NALF1: variants seen among roughly 807,000 people sequenced by gnomAD.
NALF1 encodes the protein NALCN channel auxiliary factor 1, also known as family with sequence similarity 155 member A.
Under a neutral mutation model 48.4 loss-of-function variants are expected in NALF1, and 3 were observed. The observed-to-expected ratio is 0.06, with a 90% CI of 0.03 to 0.16. The LOEUF (loss-of-function observed/expected upper bound fraction) is 0.16, where lower values mean the gene tolerates loss of function less well. NALF1 is among the 10% of genes least tolerant of loss of function. The pLI is 1.00. For missense variants in NALF1, 526 were observed against 571.5 expected, an observed-to-expected ratio of 0.92 and a Z score of 0.81; for synonymous variants, 262 against 245.7, an observed-to-expected ratio of 1.07 and a Z score of -0.62.
intron 1 of NALF1, among the ~76,000 whole-genome samples, chr13:107,449,013 G>A (rs1884697739): frequency 6.6e-6 from 1 of 152,292 alleles, no homozygotes; most frequent in South Asian, 2.1e-4. Context: ...GGAGGCCGAG[G>A]CGGGCGGATC....
At chr13:107,740,208 T>C (rs909390628) in intron 1 of NALF1, among the ~76,000 whole-genome samples, 9 of 152,182 alleles carry the variant, frequency 5.9e-5, no homozygotes, top group Admixed American at 3.9e-4. Context: ...ATCTGAGAAA[T>C]ATTTTTATTT....
intron 1 of NALF1, among the ~76,000 whole-genome samples, chr13:107,656,609 A>G (rs1232164957): frequency 6.6e-6 from 1 of 152,200 alleles, no homozygotes; most frequent in African/African-American, 2.4e-5. Context: ...GGGATTCCTT[A>G]AAGAACTAAA....
intron 1 of NALF1, among the ~76,000 whole-genome samples, chr13:107,795,098 G>A (rs1487600579): frequency 6.6e-6 from 1 of 152,122 alleles, no homozygotes; most frequent in Non-Finnish European, 1.5e-5. Flanking sequence ...TAAGTAAAAT[G>A]GGTAAAAATT....
chr13:107,357,471 C>T (rs908469652), intron 1 of NALF1, among the ~76,000 whole-genome samples: 2 of 152,140 alleles, frequency 1.3e-5, no homozygotes, highest in South Asian at 4.1e-4. Flanking sequence ...CAAGCCATAT[C>T]AATCACGTAG....
At chr13:107,528,713 G>C (rs981402230) in intron 1 of NALF1, among the ~76,000 whole-genome samples, 2 of 152,124 alleles carry the variant, frequency 1.3e-5, no homozygotes, top group African/African-American at 4.8e-5. Context: ...CAGTGGATGA[G>C]ACAGCCTCCT....
intron 1 of NALF1, among the ~76,000 whole-genome samples, chr13:107,577,347 A>C (rs536059899): frequency 2.0e-5 from 3 of 152,278 alleles, no homozygotes; most frequent in African/African-American, 7.2e-5. Flanking sequence ...GTTCCTCTAA[A>C]GTTGGTTGGA....
intron 1 of NALF1, among the ~76,000 whole-genome samples, chr13:107,407,536 T>A (rs1344954359): frequency 6.6e-6 from 1 of 152,040 alleles, no homozygotes; most frequent in Non-Finnish European, 1.5e-5. Flanking sequence ...ATCAGAGAAA[T>A]GCCAATCAAA....
intron 1 of NALF1, among the ~76,000 whole-genome samples, chr13:107,261,428 A>T: frequency 6.6e-6 from 1 of 152,066 alleles, no homozygotes; most frequent in Non-Finnish European, 1.5e-5. Flanking sequence ...CCCCTATCCC[A>T]TCAGCAATGA....
At chr13:107,545,412 G>T (rs1877110434) in intron 1 of NALF1, among the ~76,000 whole-genome samples, 1 of 152,184 alleles carries the variant, frequency 6.6e-6, no homozygotes, top group Non-Finnish European at 1.5e-5. Context: ...AAGCAGGAGA[G>T]AATACATTTC....
At chr13:107,699,502 T>C (rs186139549) in intron 1 of NALF1, among the ~76,000 whole-genome samples, 337 of 152,210 alleles carry the variant, frequency 2.2e-3, no homozygotes, top group African/African-American at 7.8e-3. Flanking sequence ...AACATTTATG[T>C]CAAGCAAGAA....
At chr13:107,197,239 A>T (rs1231875371) in intron 2 of NALF1, among the ~76,000 whole-genome samples, 2 of 152,236 alleles carry the variant, frequency 1.3e-5, no homozygotes, top group African/African-American at 4.8e-5. Flanking sequence ...TTTTCTTTAT[A>T]CATTACCTAG....
intron 1 of NALF1, among the ~76,000 whole-genome samples, chr13:107,678,695 G>A (rs1360382410): frequency 3.3e-5 from 5 of 152,220 alleles, no homozygotes; most frequent in African/African-American, 1.2e-4. Flanking sequence ...CATGGTGGAA[G>A]GTGAAGGGAA....
intron 1 of NALF1, among the ~76,000 whole-genome samples, chr13:107,608,940 C>T (rs930604320): frequency 6.6e-6 from 1 of 152,144 alleles, no homozygotes; most frequent in African/African-American, 2.4e-5. Flanking sequence ...GGCCGGGCAC[C>T]AGGGATGGTG....
intron 1 of NALF1, among the ~76,000 whole-genome samples, chr13:107,790,463 T>G (rs1594268631): frequency 6.6e-6 from 1 of 152,332 alleles, no homozygotes. Flanking sequence ...AATTTAAATC[T>G]GTTCTGTAAG....
At chr13:107,546,170 G>C (rs1043127370) in intron 1 of NALF1, among the ~76,000 whole-genome samples, 1 of 152,124 alleles carries the variant, frequency 6.6e-6, no homozygotes, top group Admixed American at 6.5e-5. Context: ...CCTGGGGCCA[G>C]TGTGCCAACA....
intron 1 of NALF1, among the ~76,000 whole-genome samples, chr13:107,220,235 T>A (rs552122562): frequency 6.6e-6 from 1 of 152,358 alleles, no homozygotes; most frequent in East Asian, 1.9e-4. Flanking sequence ...ACTATCTTTG[T>A]TGTTTTCTGC....
At chr13:107,202,361 G>A (rs1282888725) in intron 2 of NALF1, among the ~76,000 whole-genome samples, 1 of 148,980 alleles carries the variant, frequency 6.7e-6, no homozygotes, top group Non-Finnish European at 1.5e-5. Context: ...ATAAATATAT[G>A]TTGATATGGT....
chr13:107,480,486 G>A lies in NALF1; in HGVS notation c.916-269731C>T, dbSNP rs544569475. ...TCTTGGATGTTTCAAGTCTCTAACA[G>A]GGGTGTCCAATCTTGTGGCTTCCCT... On this transcript the variant is annotated intron_variant, in intron 1 of 2. Transcript: ENST00000375915. 3.3e-5 allele frequency among the ~76,000 whole-genome samples: 5 copies of A among 152,256 alleles called. No individual in the cohort carries two copies. In the South Asian group the frequency reaches 1.0e-3, roughly 32 times the overall value.
At chr13:107,380,716 C>T (rs1883420210) in intron 1 of NALF1, among the ~76,000 whole-genome samples, 1 of 152,144 alleles carries the variant, frequency 6.6e-6, no homozygotes, top group South Asian at 2.1e-4. Flanking sequence ...CGGTGGTTCA[C>T]GTCTGTAATC....
Sources: gnomAD v4.1 joint callset for allele counts (sites outside exome capture counted in the v4.1 genomes callset) on GRCh38, gnomAD v4.1.1 for gene constraint, MANE v1.5 for transcripts, NCBI Gene and HGNC (gene_info 2026-07-23, HGNC 2026-07-21) for gene names.